Variants in MEGF11 observed in about 807,000 individuals in gnomAD.
The protein encoded by MEGF11 is multiple EGF like domains 11.
A neutral mutation model predicts 146.6 loss-of-function variants in MEGF11; 126 were observed. The observed-to-expected ratio is 0.86, with a 90% CI of 0.74 to 1.00. The LOEUF is 1.00. Among genes scored for constraint, MEGF11 ranks in the 50% least tolerant of loss-of-function variants. The pLI is 0.00. For missense variants in MEGF11, 1,509 were observed against 1,521.2 expected (o/e 0.99, Z 0.13); for synonymous variants, 532 against 583.4 (o/e 0.91, Z 1.27).
intron 5 of MEGF11, among the ~76,000 whole-genome samples, chr15:65,987,327 A>T (rs2081898295): frequency 6.6e-6 from 1 of 152,100 alleles, no homozygotes; most frequent in Non-Finnish European, 1.5e-5. Context: ...ACCCTTGAAA[A>T]TCCATAAAGA....
intron 5 of MEGF11, among the ~76,000 whole-genome samples, chr15:65,997,358 A>G (rs2082231774): frequency 6.6e-6 from 1 of 152,152 alleles, no homozygotes; most frequent in Non-Finnish European, 1.5e-5. Flanking sequence ...ACAAGACTTG[A>G]TTGCTATGTG....
rs1467506947 is a variant in MEGF11, at chr15:65,916,423, C to T, written c.2216-147G>A. 8 of 1,095,028 alleles carry T rather than the reference C, an allele frequency of 7.3e-6. No homozygotes were observed. The East Asian group carries it at 1.6e-4, about 22-fold the overall frequency. 67.8% of individuals were successfully genotyped at this position (1,095,028 alleles called of 1,614,324 possible). The stretch of plus-strand genomic sequence containing the variant: ...CCTGCACCAGAGTTGTCTCCCTGCT[C>T]AGGATCTTCATGCTGAAGTGGTAGG... On this transcript the variant is annotated intron_variant, in intron 17 of 25. Transcript: ENST00000395614.
At chr15:66,119,706 T>C (rs751332530) in intron 3 of MEGF11, among the ~76,000 whole-genome samples, 1 of 151,864 alleles carries the variant, frequency 6.6e-6, no homozygotes, top group African/African-American at 2.4e-5. Context: ...GGAGAGTAGA[T>C]TAATCTCCCC....
In MEGF11 at chr15:65,982,344, G is replaced by A. The variant is rs758884818; in HGVS notation, c.539C>T (p.Thr180Ile). Residue 180 changes from threonine to isoleucine, a missense_variant, in exon 6 of 26, where the codon ACC becomes ATC. Transcript: ENST00000395614. The surrounding 1 kb of genome is among the most constrained non-coding windows in gnomAD (Gnocchi z 5.6). ...WRCEELCAPG[T>I]HGKGCQLPCQ... is the part of the protein sequence containing the mutation. The stretch of plus-strand genomic sequence containing the variant: ...CGGCAGCTGGCATCCCTTGCCGTGG[G>A]TGCCAGGTGCGCAGAGCTCCTCGCA... 1 of 1,530,512 alleles carries A rather than the reference G, an allele frequency of 6.5e-7. No homozygotes were observed. The highest frequency in any genetic ancestry group is 8.8e-7 in the Non-Finnish European group (1 of 1,139,656). The allele number at this position is 1,530,512 out of a possible 1,614,324, so 94.8% of individuals were successfully genotyped here. A position where few individuals can be genotyped will look rare whatever the true frequency, so the allele number is the denominator to read the frequency against.
At chr15:65,925,839 A>G (rs1280833958) in intron 13 of MEGF11, among the ~76,000 whole-genome samples, 1 of 152,164 alleles carries the variant, frequency 6.6e-6, no homozygotes, top group East Asian at 1.9e-4. Flanking sequence ...CTCCTTCTCC[A>G]GGAAGCCTTC....
intron 5 of MEGF11, among the ~76,000 whole-genome samples, chr15:65,990,697 A>AG (rs1380076914): frequency 6.0e-4 from 44 of 72,804 alleles, no homozygotes; most frequent in African/African-American, 2.4e-3. Context: ...AAGGAAGAGA[A>AG]AGAAAGAAAG....
chr15:66,039,296 C>T (rs1212593902), intron 5 of MEGF11, among the ~76,000 whole-genome samples: 1 of 152,150 alleles, frequency 6.6e-6, no homozygotes, highest in Non-Finnish European at 1.5e-5. Flanking sequence ...CCACCCACTC[C>T]CAGAGGTGGC....
chr15:65,950,882 A>G (rs975087095), intron 10 of MEGF11, among the ~76,000 whole-genome samples: 2 of 152,246 alleles, frequency 1.3e-5, no homozygotes, highest in Non-Finnish European at 2.9e-5. Flanking sequence ...GCCAACAGGT[A>G]GAGTCAAGTC....
Position 65,897,852 on chromosome 15 carries a change from C to T in MEGF11, c.*82G>A. 2 of 1,348,744 alleles carry T rather than the reference C, an allele frequency of 1.5e-6. No homozygotes were observed. The highest frequency in any genetic ancestry group is 1.5e-5 in the African/African-American group (1 of 68,774). The allele number at this position is 1,348,744 out of a possible 1,614,324, so 83.5% of individuals were successfully genotyped here. On this transcript the variant is annotated 3_prime_UTR_variant, in exon 26 of 26. Coordinates refer to ENST00000395614, the MANE Select transcript of MEGF11 (RefSeq NM_001385028.1). ...ACATGCAGCTGGAGCCAGTCTGTAC[C>T]ATTACTTCAAGTCAAGGGACTGTCT...
intron 4 of MEGF11, among the ~76,000 whole-genome samples, chr15:66,098,649 C>A (rs2086652862): frequency 6.6e-6 from 1 of 152,178 alleles, no homozygotes; most frequent in Non-Finnish European, 1.5e-5. Flanking sequence ...TGCTCCAAGG[C>A]ACATTGATCA....
intron 10 of MEGF11, among the ~76,000 whole-genome samples, chr15:65,936,626 C>G (rs2079798662): frequency 6.6e-6 from 1 of 152,178 alleles, no homozygotes; most frequent in Non-Finnish European, 1.5e-5. Flanking sequence ...AGGCAGTACC[C>G]ACACAGGTAT....
At chr15:66,094,285 G>T in intron 5 of MEGF11, 117 bp downstream of exon 5, 2 of 733,964 alleles carry the variant, frequency 2.7e-6, no homozygotes, top group South Asian at 4.0e-5. Context: ...ACAGGCCCAG[G>T]TAGCCCACCC....
At chr15:66,001,296 C>T (rs764461424) in intron 5 of MEGF11, among the ~76,000 whole-genome samples, 24 of 152,050 alleles carry the variant, frequency 1.6e-4, no homozygotes, top group South Asian at 6.2e-4. Context: ...ATCTGTACCT[C>T]GTGGCTCTGT....
In MEGF11 at chr15:65,970,539, A is replaced by G; in HGVS notation, c.899+14T>C. The stretch of plus-strand genomic sequence containing the variant: ...AAAATGGACAGCAAAGATAACAGTT[A>G]ACACTATCCTTACCTGTCCCCCATG... On this transcript the variant is annotated intron_variant, in intron 8 of 25. Transcript: ENST00000395614. The G allele has an allele frequency of 6.2e-7, 1 of 1,612,426 alleles. No individual in the cohort carries two copies. The highest frequency in any genetic ancestry group is 8.5e-7 in the Non-Finnish European group (1 of 1,178,830).
At chr15:66,148,861 C>T (rs1161125096) in intron 1 of MEGF11, among the ~76,000 whole-genome samples, 3 of 152,192 alleles carry the variant, frequency 2.0e-5, no homozygotes, top group African/African-American at 7.2e-5. Flanking sequence ...TCTGTCCCAC[C>T]ACTTCACTCC....
chr15:66,102,727 G>A (rs549273032), intron 4 of MEGF11, among the ~76,000 whole-genome samples: 6 of 152,246 alleles, frequency 3.9e-5, no homozygotes, highest in Non-Finnish European at 7.4e-5. Flanking sequence ...ACAGGCATGA[G>A]CCAGCACACC....
chr15:66,153,968 C>T (rs2089658775), intron 1 of MEGF11, among the ~76,000 whole-genome samples: 1 of 152,210 alleles, frequency 6.6e-6, no homozygotes, highest in Non-Finnish European at 1.5e-5. Context: ...CCAATCTGGG[C>T]CCTGGTGACG....
At chr15:65,912,545 T>C (rs2078848478) in intron 20 of MEGF11, 1 of 170,496 alleles carries the variant, frequency 5.9e-6, no homozygotes, top group African/African-American at 2.4e-5. Context: ...CCTGCTTCCT[T>C]CTAGGGTCAC....
chr15:65,916,948 G>T lies in MEGF11; in HGVS notation c.2095C>A (p.Pro699Thr). The T allele has an allele frequency of 6.6e-7, 1 of 1,516,470 alleles. No homozygotes were observed. 93.9% of individuals were successfully genotyped at this position (1,516,470 alleles called of 1,614,324 possible). A position where few individuals can be genotyped will look rare whatever the true frequency, so the allele number is the denominator to read the frequency against. The stretch of plus-strand genomic sequence containing the variant: ...AAGCAGGCGGGGCCCCAGAACCCGG[G>T]TGGGCAAGCTGGGATGTCGGTGAAA... ...IGKDCSQACP[P>T]GFWGPACFHA... Residue 699 changes from proline to threonine, a missense_variant, in exon 17 of 26, where the codon CCC (proline) becomes ACC (threonine). Pro to Thr is a conservative substitution (Grantham distance 38). Transcript: ENST00000395614.
Sources: allele counts gnomAD v4.1 joint callset (sites outside exome capture counted in the v4.1 genomes callset), GRCh38; gene constraint gnomAD v4.1.1; non-coding constraint Gnocchi (gnomAD v3.1); transcripts MANE v1.5; gene names NCBI Gene and HGNC (gene_info 2026-07-23, HGNC 2026-07-21).